Variants in NR6A1 observed in about 807,000 individuals in gnomAD.
The protein encoded by NR6A1 is retinoic acid receptor-related testis-associated receptor.
Under a neutral mutation model 59.1 loss-of-function variants are expected in NR6A1, and 7 were observed. The ratio of observed to expected loss-of-function variants is 0.12; its 90% CI spans 0.07 to 0.22. The LOEUF (loss-of-function observed/expected upper bound fraction) is 0.22, where lower values mean the gene tolerates loss of function less well. Among genes scored for constraint, NR6A1 ranks in the 10% least tolerant of loss-of-function variants. NR6A1 has a pLI of 1.00. For synonymous variants in NR6A1, 243 were observed against 236.1 expected (o/e 1.03, Z -0.27); for missense variants, 468 against 611.6 (o/e 0.77, Z 2.48).
In NR6A1 at chr9:124,662,306, T is replaced by C. The variant is rs141642347; in HGVS notation, c.142+71002A>G. Among the ~76,000 whole-genome samples, 9 of 152,276 alleles carry C rather than the reference T, an allele frequency of 5.9e-5. No homozygotes were observed. The East Asian group carries it at 1.7e-3, about 29-fold the overall frequency. On this transcript the variant is annotated intron_variant, in intron 2 of 9. Coordinates refer to ENST00000487099, the MANE Select transcript of NR6A1 (RefSeq NM_033334.4). ...CATGGTATCACAGCAATGGACAATA[T>C]GTGTAACAAAAAACCAGGACCTAGA...
At chr9:124,542,660 A>C (rs1045846446) in intron 4 of NR6A1, among the ~76,000 whole-genome samples, 1 of 152,222 alleles carries the variant, frequency 6.6e-6, no homozygotes, top group Non-Finnish European at 1.5e-5. Flanking sequence ...AAATCTAAAT[A>C]AAACCTTTTA....
intron 2 of NR6A1, among the ~76,000 whole-genome samples, chr9:124,682,624 T>C (rs1838202656): frequency 6.6e-6 from 1 of 152,200 alleles, no homozygotes; most frequent in Non-Finnish European, 1.5e-5. Flanking sequence ...TAATGGTTTA[T>C]CATTTTTATT....
At chr9:124,702,706 G>T (rs1402013712) in intron 2 of NR6A1, among the ~76,000 whole-genome samples, 1 of 152,014 alleles carries the variant, frequency 6.6e-6, no homozygotes, top group African/African-American at 2.4e-5. Flanking sequence ...CTTGCCATGT[G>T]ATGTGCCTTT....
chr9:124,585,893 C>A (rs994717045), intron 2 of NR6A1, among the ~76,000 whole-genome samples: 1 of 152,084 alleles, frequency 6.6e-6, no homozygotes, highest in African/African-American at 2.4e-5. Flanking sequence ...AACAACAAAG[C>A]CTGGATGACA....
intron 2 of NR6A1, among the ~76,000 whole-genome samples, chr9:124,674,585 A>G (rs1440501891): frequency 6.6e-6 from 1 of 152,220 alleles, no homozygotes; most frequent in African/African-American, 2.4e-5. Context: ...CATAAGTGCT[A>G]TATAAATATT....
At chr9:124,594,328 C>G (rs886643857) in intron 2 of NR6A1, among the ~76,000 whole-genome samples, 5 of 152,156 alleles carry the variant, frequency 3.3e-5, no homozygotes, top group African/African-American at 1.2e-4. Context: ...TAAATATGAA[C>G]CAGGGGAGAA....
intron 1 of NR6A1, among the ~76,000 whole-genome samples, chr9:124,769,649 G>A (rs531542277): frequency 1.6e-4 from 25 of 152,364 alleles, no homozygotes; most frequent in African/African-American, 6.0e-4. Context: ...AGATCTCTCA[G>A]AGAACTGCGA....
At chr9:124,733,191 T>G in intron 2 of NR6A1, 117 bp downstream of exon 2, 1 of 752,004 alleles carries the variant, frequency 1.3e-6, no homozygotes, top group Non-Finnish European at 2.3e-6. Flanking sequence ...TAAAGTGAAA[T>G]AAAATCTGAG....
intron 2 of NR6A1, among the ~76,000 whole-genome samples, chr9:124,601,128 T>C (rs1441316402): frequency 6.6e-6 from 1 of 151,494 alleles, no homozygotes; most frequent in African/African-American, 2.4e-5. Context: ...ATACAAAAAT[T>C]AGCCAGGCAT....
At chr9:124,574,144 C>G (rs1185222533) in intron 2 of NR6A1, among the ~76,000 whole-genome samples, 1 of 152,178 alleles carries the variant, frequency 6.6e-6, no homozygotes, top group Non-Finnish European at 1.5e-5. Flanking sequence ...AAGACAGGGA[C>G]TATGTCCTGC....
At chr9:124,748,977 T>C (rs766911543) in intron 1 of NR6A1, among the ~76,000 whole-genome samples, 2 of 149,380 alleles carry the variant, frequency 1.3e-5, no homozygotes, top group Non-Finnish European at 3.0e-5. Context: ...AGTTACCTAT[T>C]ATTGGCCAGG....
At chr9:124,683,507 A>T (rs1231279822) in intron 2 of NR6A1, among the ~76,000 whole-genome samples, 1 of 152,018 alleles carries the variant, frequency 6.6e-6, no homozygotes, top group Non-Finnish European at 1.5e-5. Context: ...TATAAATACA[A>T]TTGCTGCCGG....
intron 2 of NR6A1, among the ~76,000 whole-genome samples, chr9:124,608,425 G>A (rs971755731): frequency 6.6e-6 from 1 of 152,086 alleles, no homozygotes; most frequent in Non-Finnish European, 1.5e-5. Context: ...AGTTTGCTGA[G>A]GATAATGGTT....
intron 2 of NR6A1, among the ~76,000 whole-genome samples, chr9:124,636,719 T>C (rs1190369146): frequency 1.3e-5 from 2 of 152,220 alleles, no homozygotes; most frequent in Admixed American, 6.5e-5. Context: ...CAAAGATCAG[T>C]TGACGGCATT....
chr9:124,668,044 T>C (rs565037916), intron 2 of NR6A1, among the ~76,000 whole-genome samples: 18 of 152,196 alleles, frequency 1.2e-4, no homozygotes, highest in Non-Finnish European at 2.4e-4. Flanking sequence ...AATCCATGTA[T>C]AATTTTTGAC....
At chr9:124,551,199 G>C (rs935577353) in intron 3 of NR6A1, among the ~76,000 whole-genome samples, 3 of 152,070 alleles carry the variant, frequency 2.0e-5, no homozygotes, top group Admixed American at 2.0e-4. Context: ...TGGGTGCTGG[G>C]TGTACTCATT....
intron 2 of NR6A1, among the ~76,000 whole-genome samples, chr9:124,626,472 A>C (rs944304819): frequency 6.6e-5 from 10 of 152,220 alleles, no homozygotes; most frequent in African/African-American, 2.2e-4. Context: ...AATTCAAATG[A>C]TCATACTATG....
intron 2 of NR6A1, among the ~76,000 whole-genome samples, chr9:124,687,139 G>C (rs1300812280): frequency 6.6e-6 from 1 of 150,980 alleles, no homozygotes; most frequent in East Asian, 1.9e-4. Context: ...TAAGAGATCA[G>C]GTCAGGTCAC....
chr9:124,560,991 A>G (rs1834070057), intron 2 of NR6A1, among the ~76,000 whole-genome samples: 1 of 152,174 alleles, frequency 6.6e-6, no homozygotes, highest in Non-Finnish European at 1.5e-5. Flanking sequence ...ATGGCAAGGT[A>G]AGCCTCAACT....
Sources: gnomAD v4.1 joint callset for allele counts (sites outside exome capture counted in the v4.1 genomes callset) on GRCh38, gnomAD v4.1.1 for gene constraint, MANE v1.5 for transcripts, NCBI Gene and HGNC (gene_info 2026-07-23, HGNC 2026-07-21) for gene names.